Variants in CALN1 observed in about 807,000 individuals in gnomAD.
The protein encoded by CALN1 is calneuron 1, also known as calcium-binding protein 8.
Under a neutral mutation model 30.6 loss-of-function variants are expected in CALN1, and 17 were observed. The observed-to-expected ratio is 0.56, with a 90% CI of 0.38 to 0.83. The LOEUF (loss-of-function observed/expected upper bound fraction) is 0.83, where lower values mean the gene tolerates loss of function less well. Among genes scored for constraint, CALN1 ranks in the 40% least tolerant of loss-of-function variants. CALN1 has a pLI of 0.00. For missense variants in CALN1, 291 were observed against 354.9 expected (o/e 0.82, Z 1.45); for synonymous variants, 156 against 131.4 (o/e 1.19, Z -1.28).
chr7:71,842,907 T>G (rs970074483), intron 5 of CALN1, among the ~76,000 whole-genome samples: 20 of 152,172 alleles, frequency 1.3e-4, no homozygotes, highest in Non-Finnish European at 2.6e-4. Context: ...ATCCTAACAA[T>G]ACTCTAAATA....
rs546180354 is a variant in CALN1 at position 72,304,385 on chromosome 7, G to C, written c.120-25575C>G. Among the ~76,000 whole-genome samples, 42 of 152,294 alleles carry C rather than the reference G, an allele frequency of 2.8e-4. No individual in the cohort carries two copies. The South Asian group carries it at 8.7e-3, about 32-fold the overall frequency. ...CTCATGCCTGTAATCCCAGCACTTT[G>C]GGAGGCCAAGGTGTTCGGGGGCCAG... On this transcript the variant is annotated intron_variant, in intron 2 of 6. Transcript: ENST00000395275.
intron 2 of CALN1, chr7:72,336,764 G>A (rs369364895): frequency 5.1e-6 from 5 of 985,296 alleles, no homozygotes; most frequent in Non-Finnish European, 6.0e-6. Context: ...AGCGCGGGGG[G>A]CTTCCTCCGA....
chr7:71,902,348 T>G (rs1445624264), intron 5 of CALN1, among the ~76,000 whole-genome samples: 2 of 151,362 alleles, frequency 1.3e-5, no homozygotes, highest in Non-Finnish European at 2.9e-5. Context: ...GAAATGCAAA[T>G]TATAACTACA....
chr7:72,180,281 T>C (rs1328067497), intron 3 of CALN1, among the ~76,000 whole-genome samples: 1 of 152,204 alleles, frequency 6.6e-6, no homozygotes, highest in African/African-American at 2.4e-5. Flanking sequence ...CAGGTTGTAC[T>C]ACATTGGGAC....
intron 2 of CALN1, among the ~76,000 whole-genome samples, chr7:72,393,740 AG>A (rs1805736068): frequency 8.1e-6 from 1 of 123,612 alleles, no homozygotes; most frequent in African/African-American, 3.3e-5. Context: ...TTGACCATAG[AG>A]CTTTTTTTTT....
chr7:71,903,213 A>G (rs1457826565), intron 5 of CALN1, among the ~76,000 whole-genome samples: 1 of 152,060 alleles, frequency 6.6e-6, no homozygotes, highest in Non-Finnish European at 1.5e-5. Context: ...TAAATGAGAA[A>G]CCATTTTTTG....
At chr7:72,027,424 A>G (rs1458935855) in intron 4 of CALN1, among the ~76,000 whole-genome samples, 1 of 152,102 alleles carries the variant, frequency 6.6e-6, no homozygotes, top group East Asian at 1.9e-4. Flanking sequence ...CAAAGACATC[A>G]TGAGGGCCAG....
intron 4 of CALN1, among the ~76,000 whole-genome samples, chr7:72,094,692 A>C (rs1225238854): frequency 6.6e-6 from 1 of 152,200 alleles, no homozygotes; most frequent in East Asian, 1.9e-4. Context: ...CATACTGTAG[A>C]AGACAGACTT....
chr7:72,183,014 G>A (rs1331188972), intron 3 of CALN1, among the ~76,000 whole-genome samples: 3 of 152,110 alleles, frequency 2.0e-5, no homozygotes, highest in South Asian at 2.1e-4. Context: ...TCAAGCAAAA[G>A]TAATATGGTC....
the CALN1 span, among the ~76,000 whole-genome samples, chr7:72,499,469 C>T: frequency 2.0e-5 from 3 of 152,120 alleles, no homozygotes; most frequent in South Asian, 6.2e-4. Flanking sequence ...ACTAATTCCT[C>T]ATTATGATAC....
chr7:72,269,825 T>A (rs990048376), intron 3 of CALN1, among the ~76,000 whole-genome samples: 5 of 152,208 alleles, frequency 3.3e-5, no homozygotes, highest in African/African-American at 1.2e-4. Context: ...CTGACCACAG[T>A]CTTTTTAAAA....
At chr7:72,425,655 A>T (rs1383479182) in intron 1 of CALN1, among the ~76,000 whole-genome samples, 1 of 152,224 alleles carries the variant, frequency 6.6e-6, no homozygotes, top group Non-Finnish European at 1.5e-5. Flanking sequence ...TCTGTTGAGC[A>T]TGCAACAGGC....
the CALN1 span, among the ~76,000 whole-genome samples, chr7:72,499,882 T>C: frequency 1.4e-4 from 10 of 72,262 alleles, 1 homozygote; most frequent in East Asian, 8.8e-4. Flanking sequence ...TCTTTCTTTC[T>C]TTCTTTCTTT....
chr7:71,804,051 T>C (rs1302785803), intron 6 of CALN1, among the ~76,000 whole-genome samples: 1 of 152,044 alleles, frequency 6.6e-6, no homozygotes, highest in African/African-American at 2.4e-5. Flanking sequence ...ACCTTTCCCA[T>C]CAAAAGTGCC....
chr7:72,487,884 GAAAAGAAAAGAAAGAA>G, the CALN1 span, among the ~76,000 whole-genome samples: 1 of 53,432 alleles, frequency 1.9e-5, no homozygotes, highest in East Asian at 8.7e-4. Context: ...AAGAAAGAAA[GAAAAGAAAAGAAAGAA>G]AGAAAGAAAG....
intron 4 of CALN1, among the ~76,000 whole-genome samples, chr7:72,068,085 A>G (rs1804145419): frequency 6.6e-6 from 1 of 152,194 alleles, no homozygotes; most frequent in Non-Finnish European, 1.5e-5. Context: ...TAATGCATAA[A>G]TATCATCCTC....
In CALN1 at chr7:71,800,903, TCAACC is replaced by T. The variant is rs566532560; in HGVS notation, c.658+9428_658+9432del. On this transcript the variant is annotated intron_variant, in intron 6 of 6. Coordinates refer to ENST00000395275, the MANE Select transcript of CALN1 (RefSeq NM_031468.4). ...GCGCCATGGTGGTTTGCTGCACCTA[TCAACC>T]CATTAGGTAGGTATTCAGCCCCGCA... Among the ~76,000 whole-genome samples, 14 of 152,294 alleles carry T rather than the reference TCAACC, an allele frequency of 9.2e-5. No homozygotes were observed. The East Asian group carries it at 2.5e-3, about 27-fold the overall frequency.
At chr7:72,300,720 G>A (rs1799200423) in intron 2 of CALN1, among the ~76,000 whole-genome samples, 3 of 152,304 alleles carry the variant, frequency 2.0e-5, no homozygotes, top group Middle Eastern at 3.4e-3. Flanking sequence ...AGCCAGTCAC[G>A]GTGGCTAATG....
At chr7:71,858,503 G>GA (rs75639187) in intron 5 of CALN1, among the ~76,000 whole-genome samples, 13,144 of 137,752 alleles carry the variant, frequency 0.095, 1,857 homozygotes, top group African/African-American at 0.32. Flanking sequence ...AAAGAGTAAA[G>GA]AAAAAAAAAA....
Sources: allele counts gnomAD v4.1 joint callset (sites outside exome capture counted in the v4.1 genomes callset), GRCh38; gene constraint gnomAD v4.1.1; transcripts MANE v1.5; gene names NCBI Gene and HGNC (gene_info 2026-07-23, HGNC 2026-07-21).